RTKN2: variants seen among roughly 807,000 people sequenced by gnomAD.
RTKN2 encodes rhotekin 2.
Under a neutral mutation model 71.5 loss-of-function variants are expected in RTKN2, and 69 were observed. The observed-to-expected ratio is 0.96, with a 90% CI of 0.79 to 1.18. The LOEUF (loss-of-function observed/expected upper bound fraction) is 1.18. Ranked by LOEUF, RTKN2 falls within the 50% of genes most tolerant of loss-of-function variation. The pLI, the probability that RTKN2 is intolerant of heterozygous loss-of-function variation, is 0.00. For synonymous variants in RTKN2, 236 were observed against 236.5 expected, an observed-to-expected ratio of 1.00 and a Z score of 0.02; for missense variants, 724 against 719.7, an observed-to-expected ratio of 1.01 and a Z score of -0.07.
intron 10 of RTKN2, among the ~76,000 whole-genome samples, chr10:62,201,124 A>G (rs1384227789): frequency 6.6e-6 from 1 of 152,150 alleles, no homozygotes; most frequent in Non-Finnish European, 1.5e-5. Context: ...ACCTTCTTAT[A>G]GCCTATCTTA....
chr10:62,263,566 G>C (rs984273622), intron 1 of RTKN2, among the ~76,000 whole-genome samples: 1 of 152,290 alleles, frequency 6.6e-6, no homozygotes, highest in East Asian at 1.9e-4. Flanking sequence ...ATTGTATTAA[G>C]AGATGGCAGT....
chr10:62,212,282 T>A (rs866187595), intron 9 of RTKN2, among the ~76,000 whole-genome samples: 11 of 151,530 alleles, frequency 7.3e-5, no homozygotes, highest in African/African-American at 2.4e-4. Context: ...GGCAGGAGAA[T>A]AGCTGGAACC....
In RTKN2 at chr10:62,236,165, T is replaced by G; in HGVS notation, c.587A>C (p.Lys196Thr). Residue 196 changes from lysine to threonine, a missense_variant, in exon 6 of 12, where the codon AAA becomes ACA. By Grantham distance (78) the Lys-to-Thr change is moderately conservative. Coordinates refer to ENST00000373789, the MANE Select transcript of RTKN2 (RefSeq NM_145307.4). ...AGCTTTACTTATAGATGTCTTGAGT[T>G]TCTTAGCTAGCTTTTTTGGTGTGTT... is the stretch of plus-strand genomic sequence containing the variant. ...ITNTPKKLAKKLKTSISKATG... is the reference protein window; with the variant it reads ...ITNTPKKLAKTLKTSISKATG... 1.2e-6 allele frequency: 2 copies of G among 1,611,870 alleles called. No homozygotes were observed. The highest frequency in any genetic ancestry group is 3.3e-4 in the Middle Eastern group (2 of 6,024).
At chr10:62,264,568 T>A (rs1048711071) in intron 1 of RTKN2, among the ~76,000 whole-genome samples, 1 of 152,216 alleles carries the variant, frequency 6.6e-6, no homozygotes, top group African/African-American at 2.4e-5. Context: ...AGACTGACTA[T>A]ATTGGGGAGT....
At chr10:62,268,048 A>C (rs1842897360) in intron 1 of RTKN2, among the ~76,000 whole-genome samples, 1 of 152,140 alleles carries the variant, frequency 6.6e-6, no homozygotes, top group African/African-American at 2.4e-5. Flanking sequence ...CAAACCTTCA[A>C]CTTTTTCTAA....
downstream of RTKN2, among the ~76,000 whole-genome samples, chr10:62,191,544 T>C (rs900678998): frequency 5.3e-5 from 8 of 152,202 alleles, no homozygotes; most frequent in African/African-American, 1.7e-4. Flanking sequence ...GTTTTATGTA[T>C]TTTTTAATCT....
intron 9 of RTKN2, among the ~76,000 whole-genome samples, chr10:62,209,717 T>C (rs1191850421): frequency 6.6e-6 from 1 of 152,104 alleles, no homozygotes; most frequent in Admixed American, 6.5e-5. Flanking sequence ...AATGTGGTAT[T>C]TGGTTTTCTG....
intron 10 of RTKN2, among the ~76,000 whole-genome samples, chr10:62,202,564 T>C (rs565290212): frequency 6.6e-6 from 1 of 152,240 alleles, no homozygotes; most frequent in Non-Finnish European, 1.5e-5. Context: ...GAAGTATAAA[T>C]GTAATAGAAT....
intron 5 of RTKN2, among the ~76,000 whole-genome samples, chr10:62,236,719 T>C (rs1308627358): frequency 6.6e-6 from 1 of 151,946 alleles, no homozygotes; most frequent in Non-Finnish European, 1.5e-5. Flanking sequence ...GGTATGTCCA[T>C]CAATGGTAAA....
rs1232256276 is a variant in RTKN2 at position 62,198,068 on chromosome 10, G to C, written c.1670C>G (p.Ala557Gly). 1.2e-6 allele frequency: 2 copies of C among 1,613,966 alleles called. No homozygotes were observed. The highest frequency in any genetic ancestry group is 1.7e-6 in the Non-Finnish European group (2 of 1,179,954). ...GGCAGGCAGAAGTTTTCGAGGAGCA[G>C]CCATTGGTTTCTGTAAGTGATGCAT... is the stretch of plus-strand genomic sequence containing the variant. ...TLMHHLQKPM[A>G]APRKLLPARR... The change falls in exon 12 of 12, where the codon GCT becomes GGT. Residue 557 changes from alanine to glycine, a missense_variant. By Grantham distance (60) the Ala-to-Gly change is moderately conservative. Coordinates refer to ENST00000373789, the MANE Select transcript of RTKN2 (RefSeq NM_145307.4).
Position 62,258,371 on chromosome 10 carries a change from T to C in RTKN2, c.257+4254A>G, listed in dbSNP as rs369355351. ...GATTGAGAAATAACTTAAAACTTCT[T>C]GCAGAATGATTATGTACAGAGAGCA... On this transcript the variant is annotated intron_variant, in intron 2 of 11. Transcript: ENST00000373789. 5.3e-5 allele frequency among the ~76,000 whole-genome samples: 8 copies of C among 152,210 alleles called. No individual in the cohort carries two copies. The East Asian group carries it at 9.6e-4, about 18-fold the overall frequency.
At chr10:62,239,815 T>C (rs539222419) in intron 4 of RTKN2, 50 bp from the exon 5 acceptor site, 10 of 890,468 alleles carry the variant, frequency 1.1e-5, no homozygotes, top group African/African-American at 8.4e-5. Context: ...TAATAAATCA[T>C]TGTTAAAATC....
At chr10:62,200,362 CAAAAAAAAAAA>C (rs67854159) in intron 10 of RTKN2, among the ~76,000 whole-genome samples, 1 of 79,504 alleles carries the variant, frequency 1.3e-5, no homozygotes, top group Non-Finnish European at 2.3e-5. Flanking sequence ...GACTCCGTCT[CAAAAAAAAAAA>C]AAAAAAAAAA....
rs894073857 is a variant in RTKN2 at position 62,193,627 on chromosome 10, C to T, written c.*4281G>A. 1.0e-6 allele frequency: 1 copy of T among 985,220 alleles called. No individual in the cohort carries two copies. Among genetic ancestry groups the T allele is most frequent in the Non-Finnish European group, 1.2e-6 (1 of 829,906 alleles). The allele number at this position is 985,220 out of a possible 1,614,324, so 61.0% of individuals were successfully genotyped here. ...GGATTGCTCATTTCTCTCCCCCACT[C>T]TGAGGCGCTCTGCAGGAATAAAGTA... is the stretch of plus-strand genomic sequence containing the variant. On this transcript the variant is annotated 3_prime_UTR_variant, in exon 12 of 12. Transcript: ENST00000373789.
intron 3 of RTKN2, among the ~76,000 whole-genome samples, chr10:62,242,789 C>A (rs549722910): frequency 1.3e-5 from 2 of 151,652 alleles, no homozygotes; most frequent in African/African-American, 2.4e-5. Flanking sequence ...ACCACCACAC[C>A]CGGCTAATTT....
At chr10:62,204,827 A>C in intron 10 of RTKN2, 30 bp downstream of exon 10, 1 of 1,499,700 alleles carries the variant, frequency 6.7e-7, no homozygotes, top group South Asian at 1.3e-5. Context: ...ACATAAATAC[A>C]CAACTAAAAA....
Position 62,193,941 on chromosome 10 carries a change from T to C in RTKN2, c.*3967A>G. On this transcript the variant is annotated 3_prime_UTR_variant, in exon 12 of 12. Coordinates refer to ENST00000373789, the MANE Select transcript of RTKN2 (RefSeq NM_145307.4). Reference sequence around the variant, plus strand: ...TGATTAAACTGATTCCACCACACTGTCTACTTCAATCAGTCTAGTCTAGAG... The same window carrying C: ...TGATTAAACTGATTCCACCACACTGCCTACTTCAATCAGTCTAGTCTAGAG... The C allele has an allele frequency of 1.0e-6, 1 of 984,190 alleles. No homozygotes were observed. Among genetic ancestry groups the C allele is most frequent in the Non-Finnish European group, 1.2e-6 (1 of 828,786 alleles). The allele number at this position is 984,190 out of a possible 1,614,324, so 61.0% of individuals were successfully genotyped here. A position where few individuals can be genotyped will look rare whatever the true frequency, so the allele number is the denominator to read the frequency against.
intron 8 of RTKN2, among the ~76,000 whole-genome samples, chr10:62,185,249 T>C (rs1375298120): frequency 6.6e-6 from 1 of 151,776 alleles, no homozygotes. Flanking sequence ...CCAAGTTGAC[T>C]GGTACTCAGG....
intron 5 of RTKN2, 118 bp from the exon 6 acceptor site, chr10:62,236,381 T>C: frequency 1.5e-6 from 1 of 682,022 alleles, no homozygotes; most frequent in East Asian, 2.7e-5. Context: ...AAAATGCAAA[T>C]TAAAACCACT....
Sources: gnomAD v4.1 joint callset for allele counts (sites outside exome capture counted in the v4.1 genomes callset) on GRCh38, gnomAD v4.1.1 for gene constraint, MANE v1.5 for transcripts, NCBI Gene and HGNC (gene_info 2026-07-23, HGNC 2026-07-21) for gene names.